Variants in JMJD1C observed in about 807,000 individuals in gnomAD.
JMJD1C encodes jumonji domain containing 1C.
In JMJD1C, 31 loss-of-function variants were observed where a neutral mutation model predicts 245.3. The ratio of observed to expected loss-of-function variants is 0.13; its 90% CI spans 0.09 to 0.17. JMJD1C has a LOEUF of 0.17. JMJD1C is among the 10% of genes least tolerant of loss of function. The pLI, the probability that JMJD1C is intolerant of heterozygous loss-of-function variation, is 1.00. For synonymous variants in JMJD1C, 1,057 were observed against 1,017.4 expected (o/e 1.04, Z -0.74); for missense variants, 2,691 against 3,000.2 (o/e 0.90, Z 2.41).
chr10:63,449,846 C>T (rs757332277), intron 1 of JMJD1C, among the ~76,000 whole-genome samples: 6 of 152,054 alleles, frequency 3.9e-5, no homozygotes, highest in Non-Finnish European at 5.9e-5. Flanking sequence ...CCAGGTGTGA[C>T]GGTTCTTGCC....
intron 3 of JMJD1C, among the ~76,000 whole-genome samples, chr10:63,263,307 G>C (rs145136816): frequency 1.3e-5 from 2 of 152,262 alleles, no homozygotes; most frequent in East Asian, 3.9e-4. Context: ...TTCAAAACAT[G>C]AAATAATGTT....
At chr10:63,189,494 CAA>C in intron 17 of JMJD1C, 48 bp from the exon 18 acceptor site, 1 of 1,503,726 alleles carries the variant, frequency 6.7e-7, no homozygotes, top group Middle Eastern at 2.0e-4. Context: ...TGAGAGAAAT[CAA>C]ATACATTTTC....
chr10:63,363,252 C>CTTTTTTTTTTTTTTTTTTTTTTT (rs71463517), intron 2 of JMJD1C, among the ~76,000 whole-genome samples: 1 of 99,866 alleles, frequency 1.0e-5, no homozygotes, highest in African/African-American at 3.8e-5. Context: ...TCATACAATT[C>CTTTTTTTTTTTTTTTTTTTTTTT]TTTTTTTTTT....
intron 1 of JMJD1C, among the ~76,000 whole-genome samples, chr10:63,484,897 C>T (rs1425005668): frequency 6.6e-6 from 1 of 151,808 alleles, no homozygotes; most frequent in Non-Finnish European, 1.5e-5. Context: ...GATTCCACTA[C>T]TGCAAGGCCC....
chr10:63,252,651 G>A (rs1853248654), intron 3 of JMJD1C, among the ~76,000 whole-genome samples: 1 of 152,036 alleles, frequency 6.6e-6, no homozygotes, highest in Non-Finnish European at 1.5e-5. Flanking sequence ...TCCCATACTG[G>A]TACTGTATGA....
chr10:63,453,711 T>C (rs1952218426), intron 1 of JMJD1C, among the ~76,000 whole-genome samples: 1 of 152,130 alleles, frequency 6.6e-6, no homozygotes, highest in Non-Finnish European at 1.5e-5. Flanking sequence ...GGAAAAAACT[T>C]GCATGTGAAA....
rs183491184 is a variant in JMJD1C at position 63,478,001 on chromosome 10, G to T, written n.113+43737C>A. On this transcript the variant is annotated intron_variant and non_coding_transcript_variant, in intron 1 of 3. Transcript: ENST00000633035. Reference sequence around the variant, plus strand: ...ACACTCAACATCATTAATTATCAGGGAAATGCAAATTAAAACCACAATGAG... The same window carrying T: ...ACACTCAACATCATTAATTATCAGGTAAATGCAAATTAAAACCACAATGAG... 6.3e-4 allele frequency among the ~76,000 whole-genome samples: 96 copies of T among 152,236 alleles called. 1 individual carries two copies. Among genetic ancestry groups the T allele is most frequent in the Middle Eastern group, 3.4e-3 (1 of 290 alleles).
At chr10:63,431,015 C>T (rs1435851993) in intron 1 of JMJD1C, among the ~76,000 whole-genome samples, 2 of 152,184 alleles carry the variant, frequency 1.3e-5, no homozygotes, top group Admixed American at 6.5e-5. Flanking sequence ...GATCCACTGA[C>T]TCTGGCAAAA....
chr10:63,258,001 G>C (rs1036764942), intron 3 of JMJD1C, among the ~76,000 whole-genome samples: 5 of 152,158 alleles, frequency 3.3e-5, no homozygotes, highest in African/African-American at 1.2e-4. Context: ...GATGGTGGCA[G>C]AGAAATAGTC....
At chr10:63,170,466 A>G (rs576741254) in intron 24 of JMJD1C, among the ~76,000 whole-genome samples, 3 of 152,282 alleles carry the variant, frequency 2.0e-5, no homozygotes, top group African/African-American at 7.2e-5. Flanking sequence ...GTTTTTGCAA[A>G]GGCAGTATTC....
chr10:63,479,564 A>T (rs1953766899), intron 1 of JMJD1C, among the ~76,000 whole-genome samples: 1 of 152,094 alleles, frequency 6.6e-6, no homozygotes, highest in Non-Finnish European at 1.5e-5. Context: ...AGTCTCTTTA[A>T]ATCTCATTTA....
chr10:63,218,868 G>A (rs934724328), intron 4 of JMJD1C, among the ~76,000 whole-genome samples: 4 of 152,096 alleles, frequency 2.6e-5, no homozygotes, highest in South Asian at 2.1e-4. Context: ...TAAAATCTTC[G>A]ACGTTTATAA....
In JMJD1C at chr10:63,174,727, G is replaced by A. The variant is rs113811575; in HGVS notation, c.7401+1570C>T. On this transcript the variant is annotated intron_variant, in intron 24 of 25. Transcript: ENST00000399262. The stretch of plus-strand genomic sequence containing the variant: ...GCATGCCTGTAATCCGCAGCTACTC[G>A]GGAGGCTGAGGCAGGAGAATCGCTT... 6.4e-3 allele frequency among the ~76,000 whole-genome samples: 977 copies of A among 152,116 alleles called. 6 individuals carry two copies. The highest frequency in any genetic ancestry group is 0.023 in the African/African-American group (934 of 41,480).
intron 1 of JMJD1C, among the ~76,000 whole-genome samples, chr10:63,458,174 TAAG>T (rs1952537121): frequency 6.6e-6 from 1 of 152,134 alleles, no homozygotes; most frequent in South Asian, 2.1e-4. Context: ...TTTGTCAGAT[TAAG>T]AATTTTATAT....
At chr10:63,294,316 C>CA (rs1364856717) in intron 2 of JMJD1C, among the ~76,000 whole-genome samples, 1 of 150,372 alleles carries the variant, frequency 6.7e-6, no homozygotes, top group Admixed American at 6.7e-5. Context: ...GACAGAGTCT[C>CA]ACTCTGTTGC....
intron 3 of JMJD1C, among the ~76,000 whole-genome samples, chr10:63,247,817 AT>A (rs1852448079): frequency 6.8e-6 from 1 of 147,210 alleles, no homozygotes; most frequent in African/African-American, 2.5e-5. Context: ...ACTGAATTCT[AT>A]ATGAATCATA....
intron 3 of JMJD1C, among the ~76,000 whole-genome samples, chr10:63,235,444 C>A (rs1333936428): frequency 6.6e-6 from 1 of 152,058 alleles, no homozygotes; most frequent in Non-Finnish European, 1.5e-5. Context: ...TTGCAGTGAG[C>A]CGAGGTTGTG....
intron 1 of JMJD1C, among the ~76,000 whole-genome samples, chr10:63,407,369 T>G (rs1949230824): frequency 1.3e-5 from 2 of 152,230 alleles, no homozygotes. Context: ...TAGACCCTCC[T>G]TTCATCCTCA....
chr10:63,339,785 A>T (rs866514217), intron 2 of JMJD1C, among the ~76,000 whole-genome samples: 1 of 152,322 alleles, frequency 6.6e-6, no homozygotes. Flanking sequence ...AATTAGCCGG[A>T]TGTGGTCTCA....
Sources: gnomAD v4.1 joint callset for allele counts (sites outside exome capture counted in the v4.1 genomes callset) on GRCh38, gnomAD v4.1.1 for gene constraint, MANE v1.5 for transcripts, NCBI Gene and HGNC (gene_info 2026-07-23, HGNC 2026-07-21) for gene names.